Variants in PLCL1 observed in about 807,000 individuals in gnomAD.
PLCL1 encodes the protein inactive phospholipase C-like protein 1.
In PLCL1, 41 loss-of-function variants were observed where a neutral mutation model predicts 84.4. The ratio of observed to expected loss-of-function variants is 0.49; its 90% confidence interval spans 0.38 to 0.63. The LOEUF (loss-of-function observed/expected upper bound fraction) is 0.63. PLCL1 is among the 30% of genes least tolerant of loss of function. The probability of loss-of-function intolerance (pLI) is 0.00; values close to 1 mark genes in which losing one functional copy is unlikely to be tolerated. For synonymous variants in PLCL1, 490 were observed against 488.3 expected (o/e 1.00, Z -0.05); for missense variants, 1,206 against 1,367.8 (o/e 0.88, Z 1.87).
At chr2:197,907,430 G>T (rs1688407867) in intron 1 of PLCL1, among the ~76,000 whole-genome samples, 1 of 151,818 alleles carries the variant, frequency 6.6e-6, no homozygotes, top group Non-Finnish European at 1.5e-5. Flanking sequence ...GTGGAGACGG[G>T]GTTTCACATA....
intron 5 of PLCL1, among the ~76,000 whole-genome samples, chr2:198,124,511 T>G (rs887117634): frequency 6.6e-6 from 1 of 152,086 alleles, no homozygotes; most frequent in Non-Finnish European, 1.5e-5. Context: ...ATTAAGAAGT[T>G]GGAAGATGAG....
intron 1 of PLCL1, among the ~76,000 whole-genome samples, chr2:197,936,134 C>A (rs1174667919): frequency 6.9e-6 from 1 of 144,906 alleles, no homozygotes; most frequent in African/African-American, 2.5e-5. Flanking sequence ...ATTAAACACC[C>A]CCCCCCTCAC....
chr2:198,010,801 A>T (rs77908207), intron 1 of PLCL1, among the ~76,000 whole-genome samples: 10 of 135,272 alleles, frequency 7.4e-5, no homozygotes, highest in African/African-American at 2.4e-4. Context: ...TTGGAAGGTT[A>T]TTTTTTTTTT....
intron 1 of PLCL1, among the ~76,000 whole-genome samples, chr2:198,082,472 A>G (rs1176134145): frequency 6.6e-6 from 1 of 152,066 alleles, no homozygotes; most frequent in Non-Finnish European, 1.5e-5. Context: ...TGCTCCAAGG[A>G]CAAGGTACTT....
chr2:197,807,691 T>C (rs1376291374), intron 1 of PLCL1, among the ~76,000 whole-genome samples: 1 of 151,414 alleles, frequency 6.6e-6, no homozygotes, highest in Non-Finnish European at 1.5e-5. Context: ...TGCCAAGAGA[T>C]TTTTTTTTAA....
At chr2:197,859,801 A>G (rs952311228) in intron 1 of PLCL1, among the ~76,000 whole-genome samples, 2 of 152,216 alleles carry the variant, frequency 1.3e-5, no homozygotes, top group African/African-American at 4.8e-5. Flanking sequence ...CTAGTTTTGG[A>G]TAAATACATT....
At chr2:197,995,394 C>T (rs751269887) in intron 1 of PLCL1, among the ~76,000 whole-genome samples, 6 of 152,070 alleles carry the variant, frequency 3.9e-5, no homozygotes, top group Non-Finnish European at 8.8e-5. Context: ...ACAAAGTCCC[C>T]CTGCTCCAGG....
rs1481582334 is a variant in PLCL1, at chr2:198,148,037, C to T, written c.*1075C>T. On this transcript the variant is annotated 3_prime_UTR_variant, in exon 6 of 6. Transcript: ENST00000428675. The stretch of plus-strand genomic sequence containing the variant: ...CAGTTACCACACATCTATGATATAA[C>T]CCTAACACACACAGAAAAGCATACA... 6.6e-6 allele frequency: 1 copy of T among 152,164 alleles called. No homozygotes were observed. The highest frequency in any genetic ancestry group is 1.9e-4 in the East Asian group (1 of 5,328). The allele number at this position is 152,164 out of a possible 1,614,324, so 9.4% of individuals were successfully genotyped here.
chr2:197,815,734 T>C (rs550784324), intron 1 of PLCL1, among the ~76,000 whole-genome samples: 18 of 152,194 alleles, frequency 1.2e-4, no homozygotes, highest in Middle Eastern at 3.4e-3. Flanking sequence ...TCCAACCTCA[T>C]GGATGACTTT....
intron 1 of PLCL1, among the ~76,000 whole-genome samples, chr2:197,906,387 T>C (rs189923229): frequency 6.4e-4 from 97 of 152,220 alleles, no homozygotes; most frequent in African/African-American, 2.2e-3. Flanking sequence ...TGTGGTGTTA[T>C]TTCTGAGTTC....
chr2:198,111,858 A>G (rs573898523), intron 5 of PLCL1, among the ~76,000 whole-genome samples: 1 of 151,998 alleles, frequency 6.6e-6, no homozygotes, highest in South Asian at 2.1e-4. Flanking sequence ...TGTATCAAGT[A>G]TCCTACCAAG....
chr2:197,936,864 T>C (rs1689064919), intron 1 of PLCL1, among the ~76,000 whole-genome samples: 1 of 152,184 alleles, frequency 6.6e-6, no homozygotes. Context: ...CCTAGACCAA[T>C]GTCACGTAGC....
intron 2 of PLCL1, 150 bp downstream of exon 2, chr2:198,086,382 A>G: frequency 1.6e-6 from 1 of 617,190 alleles, no homozygotes; most frequent in Admixed American, 3.1e-5. Context: ...GCACTTTGGG[A>G]GGCTGAGGCA....
At chr2:198,046,617 C>T (rs1162012251) in intron 1 of PLCL1, among the ~76,000 whole-genome samples, 1 of 152,126 alleles carries the variant, frequency 6.6e-6, no homozygotes, top group Admixed American at 6.5e-5. Flanking sequence ...GCAGGTGGAT[C>T]ACTTGAGCTC....
chr2:198,131,263 A>T (rs1341534348), intron 5 of PLCL1, among the ~76,000 whole-genome samples: 1 of 152,162 alleles, frequency 6.6e-6, no homozygotes, highest in Non-Finnish European at 1.5e-5. Context: ...GTGTTTGCTC[A>T]GGTACGGAGT....
chr2:198,149,501 A>C lies in PLCL1; in HGVS notation c.*2539A>C, dbSNP rs896077562. 2 of 152,182 alleles carry C rather than the reference A, an allele frequency of 1.3e-5. No individual in the cohort carries two copies. Among genetic ancestry groups the C allele is most frequent in the Non-Finnish European group, 2.9e-5 (2 of 68,024 alleles). The allele number at this position is 152,182 out of a possible 1,614,324, so 9.4% of individuals were successfully genotyped here. On this transcript the variant is annotated 3_prime_UTR_variant, in exon 6 of 6. Transcript: ENST00000428675. ...TCTGTCTGATTTCATGTGCAAGATTATATACTTAGTGATTTTGATTTTAAG... is the reference window on the plus strand; with the variant it reads ...TCTGTCTGATTTCATGTGCAAGATTCTATACTTAGTGATTTTGATTTTAAG...
chr2:197,838,838 C>T (rs1026616779), intron 1 of PLCL1, among the ~76,000 whole-genome samples: 1 of 152,198 alleles, frequency 6.6e-6, no homozygotes, highest in Non-Finnish European at 1.5e-5. Context: ...ACAGTAGAAT[C>T]AGTGGTTCAG....
intron 1 of PLCL1, among the ~76,000 whole-genome samples, chr2:197,938,376 C>G (rs1232998547): frequency 1.3e-5 from 2 of 152,194 alleles, no homozygotes; most frequent in African/African-American, 4.8e-5. Flanking sequence ...TTCCAAAATT[C>G]CAGAATAGTT....
intron 1 of PLCL1, among the ~76,000 whole-genome samples, chr2:198,043,944 G>A (rs1365264453): frequency 9.2e-6 from 1 of 108,832 alleles, no homozygotes; most frequent in Non-Finnish European, 2.0e-5. Flanking sequence ...CTTTCTCTGT[G>A]TATTTGTACC....
Sources: allele counts gnomAD v4.1 joint callset (sites outside exome capture counted in the v4.1 genomes callset), GRCh38; gene constraint gnomAD v4.1.1; transcripts MANE v1.5; gene names NCBI Gene and HGNC (gene_info 2026-07-23, HGNC 2026-07-21).